ARHGEF10: variants seen among roughly 807,000 people sequenced by gnomAD.
ARHGEF10 encodes the protein Rho guanine nucleotide exchange factor (GEF) 10.
In ARHGEF10, 140 loss-of-function variants were observed where a neutral mutation model predicts 147.4. The ratio of observed to expected loss-of-function variants is 0.95; its 90% CI spans 0.83 to 1.09. ARHGEF10 has a LOEUF of 1.09. ARHGEF10 is among the 50% of genes least tolerant of loss of function. ARHGEF10 has a pLI of 0.00. For missense variants in ARHGEF10, 2,222 were observed against 1,752.7 expected (o/e 1.27, Z -4.78); for synonymous variants, 902 against 695.8 (o/e 1.30, Z -4.67).
At chr8:1,893,169 G>T (rs1378266722) in intron 11 of ARHGEF10, among the ~76,000 whole-genome samples, 2 of 148,728 alleles carry the variant, frequency 1.3e-5, no homozygotes, top group Non-Finnish European at 3.0e-5. Flanking sequence ...AAATATTTTA[G>T]ATAAGTGTTG....
chr8:1,876,241 T>C (rs548798464), intron 7 of ARHGEF10: 41 of 372,676 alleles, frequency 1.1e-4, no homozygotes, highest in Non-Finnish European at 2.0e-4. Flanking sequence ...AGATTTTTCT[T>C]CTTGTGAAGT....
Position 1,915,182 on chromosome 8 carries a change from C to A in ARHGEF10, c.2143+5712C>A, listed in dbSNP as rs11988010. ...TTCAAACATACATAGGGAGTAAAAC[C>A]ACAAAGAGCTCTCAGAGAGGATGGG... is the stretch of plus-strand genomic sequence containing the variant. On this transcript the variant is annotated intron_variant, in intron 18 of 28. Transcript: ENST00000349830. Among the ~76,000 whole-genome samples the A allele has an allele frequency of 6.5e-3, 986 of 152,206 alleles. 9 individuals carry two copies. Among genetic ancestry groups the A allele is most frequent in the African/African-American group, 0.022 (915 of 41,524 alleles).
At chr8:1,907,554 T>G (rs1464943933) in intron 17 of ARHGEF10, among the ~76,000 whole-genome samples, 1 of 152,208 alleles carries the variant, frequency 6.6e-6, no homozygotes. Context: ...AGGCTGCTGT[T>G]GGGGAGCGCC....
chr8:1,873,030 CAG>C (rs914442769), intron 7 of ARHGEF10, among the ~76,000 whole-genome samples: 4 of 152,236 alleles, frequency 2.6e-5, no homozygotes, highest in Admixed American at 2.0e-4. Context: ...TCTGGTGACT[CAG>C]AAGCCAACAC....
intron 17 of ARHGEF10, among the ~76,000 whole-genome samples, chr8:1,906,535 C>T (rs917964709): frequency 6.6e-6 from 1 of 152,178 alleles, no homozygotes; most frequent in Non-Finnish European, 1.5e-5. Flanking sequence ...TGCCCGTCGC[C>T]CCCATTTTCC....
intron 22 of ARHGEF10, 64 bp from the exon 23 acceptor site, chr8:1,926,313 T>C (rs1433322117): frequency 2.3e-6 from 3 of 1,322,908 alleles, no homozygotes; most frequent in African/African-American, 1.4e-5. Context: ...TTTAAGACGT[T>C]ATGTAGTCTA....
At position 1,922,836 on chromosome 8, in the gene ARHGEF10, T is replaced by G. The variant is rs1812398994; in HGVS notation, c.2144-128T>G. ...CTAAATGCTTGAAAATGTCCACTTTTTAAAAGTTCTAGATTCACCCCTCAA... is the reference window on the plus strand; with the variant it reads ...CTAAATGCTTGAAAATGTCCACTTTGTAAAAGTTCTAGATTCACCCCTCAA... On this transcript the variant is annotated intron_variant, in intron 18 of 28. Coordinates refer to ENST00000349830, the MANE Select transcript of ARHGEF10 (RefSeq NM_014629.4). 6.0e-6 allele frequency: 4 copies of G among 663,170 alleles called. No individual in the cohort carries two copies. In the South Asian group the frequency reaches 7.0e-5, roughly 12 times the overall value. 41.1% of individuals were successfully genotyped at this position (663,170 alleles called of 1,614,324 possible).
intron 1 of ARHGEF10, among the ~76,000 whole-genome samples, chr8:1,839,660 T>C (rs1297760380): frequency 1.3e-5 from 1 of 76,810 alleles, no homozygotes; most frequent in Non-Finnish European, 2.4e-5. Context: ...CCGCTGTGGG[T>C]ACTGTCTGGT....
intron 11 of ARHGEF10, among the ~76,000 whole-genome samples, chr8:1,891,019 T>C (rs536490050): frequency 4.6e-5 from 7 of 152,298 alleles, no homozygotes; most frequent in Non-Finnish European, 1.0e-4. Context: ...GAAGTTCAGT[T>C]TTCCTTTTCT....
intron 26 of ARHGEF10, among the ~76,000 whole-genome samples, chr8:1,941,104 C>T (rs114981604): frequency 1.4e-4 from 22 of 152,254 alleles, no homozygotes; most frequent in African/African-American, 4.6e-4. Flanking sequence ...ACAGTAGTAC[C>T]GGAGGATCTG....
chr8:1,905,283 A>T (rs889500371), intron 16 of ARHGEF10, among the ~76,000 whole-genome samples: 31 of 152,216 alleles, frequency 2.0e-4, no homozygotes, highest in African/African-American at 7.5e-4. Flanking sequence ...TCATTTAACT[A>T]TGCTTAATTA....
chr8:1,909,647 C>T (rs569218011), intron 18 of ARHGEF10, among the ~76,000 whole-genome samples, 177 bp downstream of exon 18: 18 of 152,314 alleles, frequency 1.2e-4, no homozygotes, highest in African/African-American at 3.1e-4. Context: ...ATGGCCAAGT[C>T]GGCTGCTCAT....
At chr8:1,853,300 C>G (rs1050353978) in intron 2 of ARHGEF10, among the ~76,000 whole-genome samples, 2 of 152,238 alleles carry the variant, frequency 1.3e-5, no homozygotes, top group Non-Finnish European at 2.9e-5. Flanking sequence ...GCGCCGGGCC[C>G]TTCCCGCCCA....
At chr8:1,887,229 A>G (rs1482185303) in intron 11 of ARHGEF10, among the ~76,000 whole-genome samples, 8 of 152,362 alleles carry the variant, frequency 5.3e-5, no homozygotes, top group Admixed American at 6.5e-5. Flanking sequence ...AAAGAAGGGA[A>G]AAGCACAGGG....
At position 1,957,137 on chromosome 8, in the gene ARHGEF10, C is replaced by G. The variant is rs562037149; in HGVS notation, c.3909C>G (p.Ala1303=). 8 of 1,612,860 alleles carry G rather than the reference C, an allele frequency of 5.0e-6. No homozygotes were observed. The highest frequency in any genetic ancestry group is 2.7e-5 in the African/African-American group (2 of 75,068). ...SKARRAKKAK[A]SSALVVCGGQ... ...CACGCCGGGCCAAGAAAGCCAAGGC[C>G]AGCTCGGCGCTGGTGGTCTGTGGAG... Residue 1303 remains alanine, a synonymous_variant, in exon 29 of 29, where the codon GCC becomes GCG. Coordinates refer to ENST00000349830, the MANE Select transcript of ARHGEF10 (RefSeq NM_014629.4).
intron 10 of ARHGEF10, among the ~76,000 whole-genome samples, chr8:1,883,413 T>C (rs534229973): frequency 5.5e-4 from 84 of 152,226 alleles, no homozygotes; most frequent in African/African-American, 1.9e-3. Context: ...TGACCTGGCA[T>C]TTCCTGGTTG....
At chr8:1,910,275 C>T (rs1563271994) in intron 18 of ARHGEF10, among the ~76,000 whole-genome samples, 1 of 152,160 alleles carries the variant, frequency 6.6e-6, no homozygotes, top group Admixed American at 6.5e-5. Flanking sequence ...AAGGAAACCA[C>T]GTGAGAACGT....
At chr8:1,882,533 C>T in intron 9 of ARHGEF10, 102 bp from the exon 10 acceptor site, 3 of 1,030,024 alleles carry the variant, frequency 2.9e-6, no homozygotes, top group Non-Finnish European at 4.5e-6. Context: ...CATGCGCTCA[C>T]AAGAACCAGA....
At chr8:1,929,201 A>G (rs1390611991) in intron 24 of ARHGEF10, 85 bp from the exon 25 acceptor site, 4 of 1,445,506 alleles carry the variant, frequency 2.8e-6, no homozygotes, top group Non-Finnish European at 3.9e-6. Flanking sequence ...GGAAGAGTTG[A>G]AATGTTTGTG....
Sources: allele counts gnomAD v4.1 joint callset (sites outside exome capture counted in the v4.1 genomes callset), GRCh38; gene constraint gnomAD v4.1.1; transcripts MANE v1.5; gene names NCBI Gene and HGNC (gene_info 2026-07-23, HGNC 2026-07-21).